The following KCTD9 variants were observed in gnomAD, a reference collection of about 807,000 sequenced individuals.
The protein encoded by KCTD9 is potassium channel tetramerization domain containing 9.
Under a neutral mutation model 53.3 loss-of-function variants are expected in KCTD9, and 17 were observed. The ratio of observed to expected loss-of-function variants is 0.32; its 90% CI spans 0.22 to 0.48. KCTD9 has a LOEUF of 0.48. KCTD9 is among the 20% of genes least tolerant of loss of function. The probability of loss-of-function intolerance (pLI) is 0.99; values close to 1 mark genes in which losing one functional copy is unlikely to be tolerated. For synonymous variants in KCTD9, 128 were observed against 162.7 expected (o/e 0.79, Z 1.62); for missense variants, 179 against 465.5 (o/e 0.38, Z 5.66).
At chr8:25,444,703 C>T (rs1381115470) in intron 2 of KCTD9, among the ~76,000 whole-genome samples, 1 of 152,110 alleles carries the variant, frequency 6.6e-6, no homozygotes, top group East Asian at 1.9e-4. Flanking sequence ...CCTAAATCAT[C>T]AGCTGTTGTG....
chr8:25,446,516 GAAGT>G (rs1010416593), intron 1 of KCTD9, among the ~76,000 whole-genome samples: 30 of 152,190 alleles, frequency 2.0e-4, no homozygotes, highest in African/African-American at 4.6e-4. Context: ...CTCCAGTTGT[GAAGT>G]AAGATAGACC....
chr8:25,446,400 G>A (rs1802214762), intron 1 of KCTD9, 150 bp from the exon 2 acceptor site: 1 of 851,924 alleles, frequency 1.2e-6, no homozygotes, highest in African/African-American at 1.7e-5. Context: ...TTTCTTCCAT[G>A]ACTCATTTAT....
In KCTD9 at chr8:25,435,275, T is replaced by C. The variant is rs1268504434; in HGVS notation, c.813+88A>G. 48 of 794,960 alleles carry C rather than the reference T, an allele frequency of 6.0e-5. 1 individual carries two copies. The highest frequency in any genetic ancestry group is 6.8e-5 in the Non-Finnish European group (37 of 542,092). The allele number at this position is 794,960 out of a possible 1,614,324, so 49.2% of individuals were successfully genotyped here. A position where few individuals can be genotyped will look rare whatever the true frequency, so the allele number is the denominator to read the frequency against. ...TTCAAGTAAAAGCTCCAGTAAAAGA[T>C]AGTTATAATTCCTGTCTCAAAGGCT... On this transcript the variant is annotated intron_variant, in intron 9 of 11. Coordinates refer to ENST00000221200, the MANE Select transcript of KCTD9 (RefSeq NM_017634.4).
At chr8:25,432,447 A>G in intron 11 of KCTD9, 57 bp downstream of exon 11, 1 of 1,473,002 alleles carries the variant, frequency 6.8e-7, no homozygotes, top group South Asian at 1.3e-5. Flanking sequence ...TAAATTTTGC[A>G]TGAGATGCTT....
intron 1 of KCTD9, among the ~76,000 whole-genome samples, chr8:25,447,458 C>T (rs1054546865): frequency 6.6e-6 from 1 of 152,110 alleles, no homozygotes; most frequent in Admixed American, 6.5e-5. Context: ...CATGGACGTC[C>T]CAAGATTTAT....
intron 1 of KCTD9, chr8:25,450,431 G>A (rs183113828): frequency 1.1e-4 from 113 of 984,404 alleles, no homozygotes; most frequent in Non-Finnish European, 3.9e-5. Flanking sequence ...GAGTGTTGAA[G>A]TAGGACACAC....
intron 3 of KCTD9, 49 bp downstream of exon 3, chr8:25,444,243 C>CTTTTTTTT (rs57257880): frequency 3.1e-6 from 3 of 964,378 alleles, no homozygotes; most frequent in African/African-American, 3.6e-5. Flanking sequence ...GTCATTCCAT[C>CTTTTTTTT]TTTTTTTTTT....
Position 25,457,308 on chromosome 8 carries a change from T to A in KCTD9, c.48+891A>T, listed in dbSNP as rs1052829599. ...AGACCCATTTACCTTTACCTTAGAC[T>A]CGTAAAGGCTGAGTTACTTCTAGGT... On this transcript the variant is annotated intron_variant, in intron 1 of 11. Transcript: ENST00000221200. 1.8e-5 allele frequency: 17 copies of A among 962,416 alleles called. No individual in the cohort carries two copies. In the African/African-American group the frequency reaches 3.0e-4, roughly 17 times the overall value. 59.6% of individuals were successfully genotyped at this position (962,416 alleles called of 1,614,324 possible). A position where few individuals can be genotyped will look rare whatever the true frequency, so the allele number is the denominator to read the frequency against.
At chr8:25,436,604 G>T (rs1586425352) in intron 6 of KCTD9, 119 bp from the exon 7 acceptor site, 1 of 621,988 alleles carries the variant, frequency 1.6e-6, no homozygotes, top group East Asian at 3.0e-5. Context: ...CTTTTTAAAT[G>T]GAGCAGATCT....
At position 25,458,321 on chromosome 8, in the gene KCTD9, G is replaced by A. The variant is rs62502022; in HGVS notation, c.-75C>T. The A allele has an allele frequency of 0.059, 78,829 of 1,339,234 alleles. 2,403 individuals carry two copies. The highest frequency in any genetic ancestry group is 0.07 in the Non-Finnish European group (69,759 of 994,100). 83.0% of individuals were successfully genotyped at this position (1,339,234 alleles called of 1,614,324 possible). A position where few individuals can be genotyped will look rare whatever the true frequency, so the allele number is the denominator to read the frequency against. On this transcript the variant is annotated 5_prime_UTR_variant, in exon 1 of 12. Transcript: ENST00000221200. The stretch of plus-strand genomic sequence containing the variant: ...CCTCCTCCCACCTTTTTCTCCTCCC[G>A]CCCTTCCCCTCCCTCCACCCACTCG...
chr8:25,444,383 CATTA>C (rs1802177563), intron 2 of KCTD9, 48 bp from the exon 3 acceptor site: 1 of 1,529,190 alleles, frequency 6.5e-7, no homozygotes, highest in African/African-American at 1.4e-5. Context: ...CTAAAAATCA[CATTA>C]ATTATCTGTT....
rs751586766 is a variant in KCTD9 at position 25,446,114 on chromosome 8, A to G, written c.170+15T>C. Reference sequence around the variant, plus strand: ...GAGGCACACTGTTGACAGCTTATAAAAAGGTGAAGGTTACCTGATCAAAGC... The same window carrying G: ...GAGGCACACTGTTGACAGCTTATAAGAAGGTGAAGGTTACCTGATCAAAGC... On this transcript the variant is annotated intron_variant, in intron 2 of 11. Transcript: ENST00000221200. 8 of 1,611,992 alleles carry G rather than the reference A, an allele frequency of 5.0e-6. No individual in the cohort carries two copies. In the South Asian group the frequency reaches 8.8e-5, roughly 18 times the overall value.
intron 6 of KCTD9, 50 bp downstream of exon 6, chr8:25,439,229 C>G (rs1240947961): frequency 1.5e-6 from 2 of 1,375,692 alleles, no homozygotes; most frequent in Non-Finnish European, 2.0e-6. Context: ...CTTAAACTTA[C>G]AAAAATGTGA....
chr8:25,452,739 T>C (rs1419271294), intron 1 of KCTD9, among the ~76,000 whole-genome samples: 4 of 152,128 alleles, frequency 2.6e-5, no homozygotes, highest in Non-Finnish European at 5.9e-5. Flanking sequence ...ATAAAGAAAA[T>C]AAACAACCTA....
At chr8:25,454,280 C>T (rs1563251111) in intron 1 of KCTD9, among the ~76,000 whole-genome samples, 1 of 152,166 alleles carries the variant, frequency 6.6e-6, no homozygotes, top group African/African-American at 2.4e-5. Context: ...TATTTCCTAC[C>T]CTGTTTGCCA....
chr8:25,435,618 T>G, intron 8 of KCTD9, 106 bp from the exon 9 acceptor site: 1 of 896,536 alleles, frequency 1.1e-6, no homozygotes, highest in Non-Finnish European at 1.7e-6. Flanking sequence ...AATTGGCAGT[T>G]CAGTCACTTG....
chr8:25,442,992 T>C (rs1802150685), intron 3 of KCTD9, among the ~76,000 whole-genome samples: 1 of 152,126 alleles, frequency 6.6e-6, no homozygotes, highest in Non-Finnish European at 1.5e-5. Flanking sequence ...CAGAAGAGGA[T>C]AAGTAAAAAC....
At position 25,430,119 on chromosome 8, in the gene KCTD9, A is replaced by G. The variant is rs2117380611; in HGVS notation, c.1054-146T>C. 11 of 628,894 alleles carry G rather than the reference A, an allele frequency of 1.7e-5. No homozygotes were observed. The South Asian group carries it at 1.9e-4, about 11-fold the overall frequency. The allele number at this position is 628,894 out of a possible 1,614,324, so 39.0% of individuals were successfully genotyped here. On this transcript the variant is annotated intron_variant, in intron 11 of 11. Coordinates refer to ENST00000221200, the MANE Select transcript of KCTD9 (RefSeq NM_017634.4). ...ATTTCCGGAAAACTGATGATACACC[A>G]CCCTAAATTAAGATGTTCTTCTATC...
intron 1 of KCTD9, 135 bp downstream of exon 1, chr8:25,458,064 C>T: frequency 1.2e-6 from 1 of 850,392 alleles, no homozygotes; most frequent in East Asian, 2.8e-5. Flanking sequence ...TGTGCTGTCC[C>T]CGAGCGCCCC....
Sources: allele counts gnomAD v4.1 joint callset (sites outside exome capture counted in the v4.1 genomes callset), GRCh38; gene constraint gnomAD v4.1.1; transcripts MANE v1.5; gene names NCBI Gene and HGNC (gene_info 2026-07-23, HGNC 2026-07-21).